Variants in MARCHF4 observed in about 807,000 individuals in gnomAD.
MARCHF4 encodes membrane associated ring-CH-type finger 4, also known as E3 ubiquitin-protein ligase MARCHF4.
MARCHF4 carries 14 observed loss-of-function variants against 43.9 expected under a neutral mutation model. The ratio of observed to expected loss-of-function variants is 0.32; its 90% CI spans 0.21 to 0.50. The LOEUF (loss-of-function observed/expected upper bound fraction) is 0.50. MARCHF4 is among the 20% of genes least tolerant of loss of function. MARCHF4 has a pLI of 0.98. For missense variants in MARCHF4, 468 were observed against 536.7 expected (o/e 0.87, Z 1.27); for synonymous variants, 226 against 213.3 (o/e 1.06, Z -0.52).
intron 1 of MARCHF4, among the ~76,000 whole-genome samples, chr2:216,325,574 G>C (rs533203586): frequency 6.6e-6 from 1 of 152,224 alleles, no homozygotes; most frequent in East Asian, 1.9e-4. Context: ...TATACTACAA[G>C]GCTACAGTAA....
intron 1 of MARCHF4, among the ~76,000 whole-genome samples, chr2:216,297,788 C>G (rs933809804): frequency 3.9e-5 from 6 of 152,088 alleles, no homozygotes; most frequent in Non-Finnish European, 7.3e-5. Context: ...AGTAAGCCAC[C>G]ACACCCCTCC....
rs977405979 is a variant in MARCHF4 at position 216,281,643 on chromosome 2, A to T, written c.672+1931T>A. On this transcript the variant is annotated intron_variant, in intron 2 of 3. Coordinates refer to ENST00000273067, the MANE Select transcript of MARCHF4 (RefSeq NM_020814.3). ...ACATACAATTGGGACAATTTGGACC[A>T]CAACCACACAAAATTGCTTCTAATC... 2.0e-4 allele frequency among the ~76,000 whole-genome samples: 30 copies of T among 152,346 alleles called. 1 individual carries two copies. The highest frequency in any genetic ancestry group is 2.0e-3 in the Admixed American group (30 of 15,306).
chr2:216,277,601 T>C (rs1199728228), intron 3 of MARCHF4, 71 bp downstream of exon 3: 2 of 1,444,996 alleles, frequency 1.4e-6, no homozygotes, highest in Non-Finnish European at 1.9e-6. Flanking sequence ...CAGTGGGGGA[T>C]CCTGAGGGAT....
At chr2:216,320,379 C>T (rs1213189302) in intron 1 of MARCHF4, among the ~76,000 whole-genome samples, 1 of 152,198 alleles carries the variant, frequency 6.6e-6, no homozygotes, top group African/African-American at 2.4e-5. Context: ...AAGCATTTCA[C>T]ATTGCTTAAC....
intron 1 of MARCHF4, among the ~76,000 whole-genome samples, chr2:216,324,983 G>A (rs1402099302): frequency 6.6e-6 from 1 of 151,508 alleles, no homozygotes; most frequent in Non-Finnish European, 1.5e-5. Flanking sequence ...GGCAGGAGAA[G>A]GAAATAAAGG....
At chr2:216,356,429 G>A (rs1301944145) in intron 1 of MARCHF4, among the ~76,000 whole-genome samples, 1 of 152,180 alleles carries the variant, frequency 6.6e-6, no homozygotes, top group Non-Finnish European at 1.5e-5. Flanking sequence ...TTTCATGCAC[G>A]GTGCTACGTA....
chr2:216,358,668 A>G (rs1692535800), intron 1 of MARCHF4, among the ~76,000 whole-genome samples: 1 of 152,064 alleles, frequency 6.6e-6, no homozygotes, highest in South Asian at 2.1e-4. Context: ...TTTCTCATTC[A>G]TTCACTCCCT....
chr2:216,261,073 G>A lies in MARCHF4; in HGVS notation c.866-1394C>T, dbSNP rs566904184. Among the ~76,000 whole-genome samples, 63 of 152,272 alleles carry A rather than the reference G, an allele frequency of 4.1e-4. No homozygotes were observed. In the Middle Eastern group the frequency reaches 0.01, roughly 25 times the overall value. On this transcript the variant is annotated intron_variant, in intron 3 of 3. Transcript: ENST00000273067. ...CTGAGAAGTGGAGGGCACCAGAGGCGGGCTATGGATTTGTGTGGTGGCTGC... is the reference window on the plus strand; with the variant it reads ...CTGAGAAGTGGAGGGCACCAGAGGCAGGCTATGGATTTGTGTGGTGGCTGC...
chr2:216,290,913 C>G (rs1255342425), intron 1 of MARCHF4, among the ~76,000 whole-genome samples: 1 of 152,074 alleles, frequency 6.6e-6, no homozygotes, highest in Non-Finnish European at 1.5e-5. Context: ...TTCAAAGTGT[C>G]AACTTTGAGA....
intron 1 of MARCHF4, among the ~76,000 whole-genome samples, chr2:216,345,101 C>A (rs1019318925): frequency 6.6e-6 from 1 of 152,026 alleles, no homozygotes; most frequent in Non-Finnish European, 1.5e-5. Context: ...AAGTTGGGAA[C>A]AGCTGCTAGG....
chr2:216,348,048 T>G (rs547893379), intron 1 of MARCHF4, among the ~76,000 whole-genome samples: 1 of 149,596 alleles, frequency 6.7e-6, no homozygotes, highest in East Asian at 2.0e-4. Context: ...TTTTTTTTTT[T>G]TTTTTTTAGA....
Position 216,262,638 on chromosome 2 carries a change from G to A in MARCHF4, c.866-2959C>T, listed in dbSNP as rs566889221. ...TGGTTACTAGCAATTATGAATCTAG[G>A]ATGTGACTATTTGATTGGGGCTGGA... is the stretch of plus-strand genomic sequence containing the variant. On this transcript the variant is annotated intron_variant, in intron 3 of 3. Transcript: ENST00000273067. Among the ~76,000 whole-genome samples the A allele has an allele frequency of 1.3e-3, 193 of 151,822 alleles. 1 individual carries two copies. Among genetic ancestry groups the A allele is most frequent in the Non-Finnish European group, 2.5e-3 (170 of 68,010 alleles).
Position 216,259,280 on chromosome 2 carries a change from GT to G in MARCHF4, c.*31del, listed in dbSNP as rs1328506351. 6.6e-7 allele frequency: 1 copy of G among 1,512,450 alleles called. No individual in the cohort carries two copies. Among genetic ancestry groups the G allele is most frequent in the African/African-American group, 1.4e-5 (1 of 71,734 alleles). The allele number at this position is 1,512,450 out of a possible 1,614,324, so 93.7% of individuals were successfully genotyped here. A position where few individuals can be genotyped will look rare whatever the true frequency, so the allele number is the denominator to read the frequency against. ...CCCACCCTGCTCCGGGCCCTCAGTG[GT>G]GGTCATGGCCTTCCTTCCGGGCCTC... On this transcript the variant is annotated 3_prime_UTR_variant, in exon 4 of 4. Transcript: ENST00000273067.
intron 2 of MARCHF4, among the ~76,000 whole-genome samples, chr2:216,281,346 G>A (rs1345159772): frequency 6.6e-6 from 1 of 152,132 alleles, no homozygotes; most frequent in Non-Finnish European, 1.5e-5. Flanking sequence ...TCACAAATGT[G>A]AGCCACCATG....
intron 1 of MARCHF4, among the ~76,000 whole-genome samples, chr2:216,367,287 G>A (rs538216217): frequency 5.3e-5 from 8 of 151,738 alleles, no homozygotes; most frequent in South Asian, 2.1e-4. Context: ...AAATTTTAGC[G>A]TGTCTCTCTC....
chr2:216,320,349 T>A (rs1574475788), intron 1 of MARCHF4, among the ~76,000 whole-genome samples: 1 of 152,242 alleles, frequency 6.6e-6, no homozygotes, highest in Non-Finnish European at 1.5e-5. Flanking sequence ...GAGTCCTTAC[T>A]AAAGGCCAGG....
chr2:216,289,700 A>G (rs956277887), intron 1 of MARCHF4, among the ~76,000 whole-genome samples: 6 of 152,324 alleles, frequency 3.9e-5, no homozygotes, highest in Admixed American at 2.6e-4. Flanking sequence ...TTCTGCCCAC[A>G]CAGGTGTCAG....
chr2:216,358,488 G>A (rs1692533155), intron 1 of MARCHF4, among the ~76,000 whole-genome samples: 1 of 152,216 alleles, frequency 6.6e-6, no homozygotes, highest in Middle Eastern at 3.2e-3. Flanking sequence ...AGCCCCAGGT[G>A]TGACTGGGGC....
intron 1 of MARCHF4, among the ~76,000 whole-genome samples, chr2:216,304,963 A>AG (rs1183435275): frequency 6.6e-6 from 1 of 152,184 alleles, no homozygotes; most frequent in African/African-American, 2.4e-5. Context: ...CAAAAAAAAA[A>AG]GAAAACATTC....
Sources: gnomAD v4.1 joint callset for allele counts (sites outside exome capture counted in the v4.1 genomes callset) on GRCh38, gnomAD v4.1.1 for gene constraint, MANE v1.5 for transcripts, NCBI Gene and HGNC (gene_info 2026-07-23, HGNC 2026-07-21) for gene names.